Variants in FNDC3B observed in about 807,000 individuals in gnomAD.
The protein encoded by FNDC3B is fibronectin type III domain containing 3B.
Under a neutral mutation model 151.5 loss-of-function variants are expected in FNDC3B, and 12 were observed. The ratio of observed to expected loss-of-function variants is 0.08; its 90% CI spans 0.05 to 0.13. The LOEUF (loss-of-function observed/expected upper bound fraction) is 0.13, where lower values mean the gene tolerates loss of function less well. Among genes scored for constraint, FNDC3B ranks in the 10% least tolerant of loss-of-function variants. The pLI, the probability that FNDC3B is intolerant of heterozygous loss-of-function variation, is 1.00. For missense variants in FNDC3B, 1,214 were observed against 1,505.3 expected, an observed-to-expected ratio of 0.81 and a Z score of 3.20; for synonymous variants, 528 against 549.0, an observed-to-expected ratio of 0.96 and a Z score of 0.54.
intron 11 of FNDC3B, among the ~76,000 whole-genome samples, chr3:172,319,056 C>T (rs1731954583): frequency 6.6e-6 from 1 of 152,240 alleles, no homozygotes; most frequent in Non-Finnish European, 1.5e-5. Flanking sequence ...TTTACCATTT[C>T]TCGCATGTGT....
intron 10 of FNDC3B, among the ~76,000 whole-genome samples, chr3:172,308,749 A>G (rs1731315771): frequency 6.6e-6 from 1 of 152,354 alleles, no homozygotes; most frequent in South Asian, 2.1e-4. Flanking sequence ...AATCCAGGTC[A>G]GTGATTCCCC....
chr3:172,133,536 G>A lies in FNDC3B; in HGVS notation c.177G>A (p.Gln59=), dbSNP rs767624523. The A allele has an allele frequency of 9.3e-6, 15 of 1,609,236 alleles. No homozygotes were observed. The Admixed American group carries it at 1.7e-4, about 18-fold the overall frequency. ...TAAGAGCAGAGGATGGAACACTTCA[G>A]TGCATTCAAGGTAAGGACATTTTTG... is the stretch of plus-strand genomic sequence containing the variant. ...FTIRAEDGTL[Q]CIQGPAEVPM... is the part of the protein sequence containing the mutation. Residue 59 remains glutamine, a synonymous_variant, in exon 3 of 26, where the codon CAG becomes CAA. Transcript: ENST00000415807.
At chr3:172,171,496 G>A (rs996566135) in intron 3 of FNDC3B, among the ~76,000 whole-genome samples, 5 of 152,004 alleles carry the variant, frequency 3.3e-5, no homozygotes, top group African/African-American at 4.8e-5. Context: ...TTTGCACACT[G>A]GCATGAACAG....
chr3:172,338,407 T>G (rs892776813), intron 16 of FNDC3B: 29 of 151,678 alleles, frequency 1.9e-4, no homozygotes, highest in African/African-American at 6.3e-4. Flanking sequence ...GGTTCAGTAA[T>G]CTACAAATTC....
chr3:172,306,936 T>C (rs1731229548), intron 9 of FNDC3B: 1 of 162,046 alleles, frequency 6.2e-6, no homozygotes, highest in Non-Finnish European at 1.4e-5. Context: ...CTTTTATGCT[T>C]TCTCTCCAGT....
At chr3:172,382,752 A>G (rs1335428524) in intron 25 of FNDC3B, among the ~76,000 whole-genome samples, 4 of 152,126 alleles carry the variant, frequency 2.6e-5, no homozygotes, top group African/African-American at 9.7e-5. Flanking sequence ...TGTTTTTGTC[A>G]GGTTTGTCAA....
At chr3:172,150,224 A>C (rs1380502749) in intron 3 of FNDC3B, among the ~76,000 whole-genome samples, 1 of 152,150 alleles carries the variant, frequency 6.6e-6, no homozygotes, top group Non-Finnish European at 1.5e-5. Context: ...AGATTTAGAT[A>C]CAATTATTGG....
intron 6 of FNDC3B, among the ~76,000 whole-genome samples, chr3:172,258,116 A>G (rs1196456459): frequency 6.6e-6 from 1 of 152,210 alleles, no homozygotes; most frequent in Non-Finnish European, 1.5e-5. Context: ...TCATACTGCC[A>G]TATGGGAAAA....
intron 7 of FNDC3B, among the ~76,000 whole-genome samples, chr3:172,286,209 A>AAT (rs1730008375): frequency 2.0e-5 from 3 of 152,064 alleles, no homozygotes; most frequent in Non-Finnish European, 4.4e-5. Context: ...TTCTTTATTT[A>AAT]GGTATTCTGA....
chr3:172,194,347 C>T, intron 3 of FNDC3B, among the ~76,000 whole-genome samples: 1 of 152,184 alleles, frequency 6.6e-6, no homozygotes, highest in East Asian at 1.9e-4. Context: ...TTGAGAGCTA[C>T]AAAAATGTAA....
intron 3 of FNDC3B, among the ~76,000 whole-genome samples, chr3:172,139,004 T>A (rs952495842): frequency 6.6e-6 from 1 of 152,222 alleles, no homozygotes; most frequent in African/African-American, 2.4e-5. Flanking sequence ...AACATCATGC[T>A]CTGCCCAGTG....
chr3:172,171,065 T>C (rs1164417255), intron 3 of FNDC3B, among the ~76,000 whole-genome samples: 1 of 152,224 alleles, frequency 6.6e-6, no homozygotes, highest in Non-Finnish European at 1.5e-5. Flanking sequence ...GTGCAGGGTC[T>C]ATGTGGCTCT....
At chr3:172,243,606 C>T (rs185288664) in intron 4 of FNDC3B, among the ~76,000 whole-genome samples, 200 of 152,282 alleles carry the variant, frequency 1.3e-3, no homozygotes, top group African/African-American at 4.6e-3. Context: ...CTCCCACCCA[C>T]TCCCTCCCAC....
At chr3:172,105,482 T>A (rs79858630) in intron 1 of FNDC3B, among the ~76,000 whole-genome samples, 2,779 of 152,218 alleles carry the variant, frequency 0.018, 93 homozygotes, top group African/African-American at 0.064. Flanking sequence ...ACATCCCAAA[T>A]CCGTCTTTCT....
At position 172,401,410 on chromosome 3, in the gene FNDC3B, A is replaced by G. The variant is rs1234350847; in HGVS notation, c.*3935A>G. On this transcript the variant is annotated 3_prime_UTR_variant, in exon 26 of 26. Coordinates refer to ENST00000415807, the MANE Select transcript of FNDC3B (RefSeq NM_022763.4). ...GAAGCTAAATATCCAGATTTCCTCC[A>G]TGGGCCAACTAAAAGGTGATTGTGG... The G allele has an allele frequency of 1.3e-5, 2 of 152,206 alleles. No homozygotes were observed. Among genetic ancestry groups the G allele is most frequent in the African/African-American group, 2.4e-5 (1 of 41,438 alleles). The allele number at this position is 152,206 out of a possible 1,614,324, so 9.4% of individuals were successfully genotyped here.
At chr3:172,101,970 C>A (rs979201950) in intron 1 of FNDC3B, among the ~76,000 whole-genome samples, 11 of 152,154 alleles carry the variant, frequency 7.2e-5, no homozygotes, top group African/African-American at 2.4e-4. Context: ...ACCAAGCACT[C>A]CTTAGGAGGG....
At chr3:172,285,272 C>A (rs1729951118) in intron 6 of FNDC3B, among the ~76,000 whole-genome samples, 1 of 152,140 alleles carries the variant, frequency 6.6e-6, no homozygotes, top group South Asian at 2.1e-4. Context: ...AGCTCTAGCC[C>A]AGGCCAGCTC....
intron 16 of FNDC3B, among the ~76,000 whole-genome samples, chr3:172,338,903 T>A (rs975118353): frequency 6.6e-6 from 1 of 151,458 alleles, no homozygotes; most frequent in Non-Finnish European, 1.5e-5. Context: ...GGCCGGCTAA[T>A]TTTTTTTGAA....
chr3:172,327,071 G>A (rs1344418379), intron 11 of FNDC3B, among the ~76,000 whole-genome samples: 3 of 152,122 alleles, frequency 2.0e-5, no homozygotes, highest in Non-Finnish European at 4.4e-5. Flanking sequence ...GATGCTGGGT[G>A]TAATTATTCA....
Sources: allele counts gnomAD v4.1 joint callset (sites outside exome capture counted in the v4.1 genomes callset), GRCh38; gene constraint gnomAD v4.1.1; transcripts MANE v1.5; gene names NCBI Gene and HGNC (gene_info 2026-07-23, HGNC 2026-07-21).